Variants in USH2A observed in about 807,000 individuals in gnomAD.
USH2A encodes the protein usherin.
Under a neutral mutation model 538.9 loss-of-function variants are expected in USH2A, and 443 were observed. The observed-to-expected ratio is 0.82, with a 90% CI of 0.76 to 0.89. The LOEUF (loss-of-function observed/expected upper bound fraction) is 0.89. Ranked by LOEUF, USH2A falls within the 40% of genes least tolerant of loss-of-function variation. USH2A has a pLI of 0.00. For missense variants in USH2A, 6,633 were observed against 6,324.8 expected (o/e 1.05, Z -1.65); for synonymous variants, 2,413 against 2,273.5 (o/e 1.06, Z -1.75).
At chr1:216,299,120 G>T (rs2037164347) in intron 9 of USH2A, among the ~76,000 whole-genome samples, 1 of 152,080 alleles carries the variant, frequency 6.6e-6, no homozygotes, top group African/African-American at 2.4e-5. Flanking sequence ...AGGTTTACAG[G>T]CGTGAGCCAC....
Position 215,817,152 on chromosome 1 carries a change from T to C in USH2A, c.9415A>G (p.Ile3139Val), listed in dbSNP as rs750899958. The C allele has an allele frequency of 4.3e-6, 7 of 1,612,728 alleles. No individual in the cohort carries two copies. In the Admixed American group the frequency reaches 6.7e-5, roughly 15 times the overall value. ...CATAGGAGATCATATCCAAGAATGATGCCATTTGGCTTCCGTGGAGACACC... is the reference window on the plus strand; with the variant it reads ...CATAGGAGATCATATCCAAGAATGACGCCATTTGGCTTCCGTGGAGACACC... Reference protein sequence around the residue: ...DWVSPRKPNGIILGYDLLWKT... With the variant: ...DWVSPRKPNGVILGYDLLWKT... Residue 3139 changes from isoleucine to valine, a missense_variant, in exon 48 of 72, where the codon ATC becomes GTC. By Grantham distance (29) the Ile-to-Val change is conservative. Transcript: ENST00000307340.
rs372774805 is a variant in USH2A at position 215,788,854 on chromosome 1, T to C, written c.10182+1205A>G. On this transcript the variant is annotated intron_variant, in intron 51 of 71. Transcript: ENST00000307340. ...TTTTATACATTAAGCTTTTAAAAAA[T>C]TTACCCTCCATACATCTATATACAA... Among the ~76,000 whole-genome samples the C allele has an allele frequency of 2.6e-5, 4 of 152,010 alleles. No individual in the cohort carries two copies. The South Asian group carries it at 6.2e-4, about 24-fold the overall frequency.
chr1:215,785,906 T>TTCTA (rs1158144020), intron 52 of USH2A, among the ~76,000 whole-genome samples: 1 of 150,154 alleles, frequency 6.7e-6, no homozygotes, highest in Non-Finnish European at 1.5e-5. Context: ...CTTAAATGGA[T>TTCTA]TCTATTGAAT....
At chr1:215,766,230 A>G (rs1661123246) in intron 56 of USH2A, among the ~76,000 whole-genome samples, 1 of 152,082 alleles carries the variant, frequency 6.6e-6, no homozygotes, top group Admixed American at 6.6e-5. Context: ...CTTCCTCTTC[A>G]GGCCAACCTT....
rs142126629 is a variant in USH2A at position 216,291,774 on chromosome 1, T to C, written c.1840+401A>G. Among the ~76,000 whole-genome samples the C allele has an allele frequency of 1.2e-4, 19 of 152,302 alleles. No homozygotes were observed. The East Asian group carries it at 3.7e-3, about 29-fold the overall frequency. On this transcript the variant is annotated intron_variant, in intron 10 of 71. Transcript: ENST00000307340. ...AGTGTCCATGCCAAATCTGAATGAA[T>C]GCCATCTCCACATGAGAATCCAGAC...
In USH2A at chr1:216,399,246, C is replaced by A. The variant is rs76258690; in HGVS notation, c.651+19268G>T. 3.0e-3 allele frequency among the ~76,000 whole-genome samples: 464 copies of A among 152,240 alleles called. 8 individuals are homozygous for A. The highest frequency in any genetic ancestry group is 0.011 in the African/African-American group (438 of 41,548). On this transcript the variant is annotated intron_variant, in intron 3 of 71. Coordinates refer to ENST00000307340, the MANE Select transcript of USH2A (RefSeq NM_206933.4). ...TCATCAGCACTTTACTTTACTCCAA[C>A]CTCTGGTGTCAGTGGGACCAAGGAG...
Position 216,063,113 on chromosome 1 carries a change from G to T in USH2A, c.6049+6988C>A, listed in dbSNP as rs902569603. 1.7e-4 allele frequency among the ~76,000 whole-genome samples: 26 copies of T among 152,250 alleles called. No homozygotes were observed. The East Asian group carries it at 1.9e-3, about 11-fold the overall frequency. Reference sequence around the variant, plus strand: ...AATGCTAAATAAGGGTTATTTTCAAGATCAGTAGCAAAACTGCTCAATAGC... The same window carrying T: ...AATGCTAAATAAGGGTTATTTTCAATATCAGTAGCAAAACTGCTCAATAGC... On this transcript the variant is annotated intron_variant, in intron 30 of 71. Transcript: ENST00000307340.
intron 11 of USH2A, among the ~76,000 whole-genome samples, chr1:216,254,680 G>C (rs1056277032): frequency 6.6e-6 from 1 of 152,114 alleles, no homozygotes; most frequent in Non-Finnish European, 1.5e-5. Flanking sequence ...GCTAATAATT[G>C]CTCCTACTGT....
Position 215,777,161 on chromosome 1 carries a change from C to T in USH2A, c.10939+2682G>A, listed in dbSNP as rs1317983339. 2.0e-5 allele frequency among the ~76,000 whole-genome samples: 3 copies of T among 151,876 alleles called. 1 individual carries two copies. Among genetic ancestry groups the T allele is most frequent in the South Asian group, 4.2e-4 (2 of 4,814 alleles). ...AAAAATTAAAATTATATTAAAAAAC[C>T]TTAAAATATTTATGCTAATAATAGG... On this transcript the variant is annotated intron_variant, in intron 55 of 71. Transcript: ENST00000307340.
At chr1:215,766,244 A>C (rs191153624) in intron 56 of USH2A, among the ~76,000 whole-genome samples, 8 of 151,808 alleles carry the variant, frequency 5.3e-5, no homozygotes, top group Non-Finnish European at 8.8e-5. Flanking sequence ...CAACCTTAGC[A>C]CTCTATTCAT....
intron 11 of USH2A, among the ~76,000 whole-genome samples, chr1:216,281,921 C>A (rs1174800051): frequency 9.1e-5 from 11 of 120,432 alleles, no homozygotes; most frequent in Non-Finnish European, 1.8e-4. Flanking sequence ...GGGAAGTGGG[C>A]TTGCACAGTA....
rs114353757 is a variant in USH2A at position 216,175,893 on chromosome 1, C to T, written c.4397-411G>A. The stretch of plus-strand genomic sequence containing the variant: ...GATGGCTCATGGCTGCCCCCTTCTG[C>T]GTAGAACTTCCCTTGGCTGAGTAAG... On this transcript the variant is annotated intron_variant, in intron 20 of 71. Transcript: ENST00000307340. Among the ~76,000 whole-genome samples the T allele has an allele frequency of 3.9e-3, 600 of 152,214 alleles. 1 individual carries two copies. Among genetic ancestry groups the T allele is most frequent in the African/African-American group, 0.014 (576 of 41,552 alleles).
At chr1:215,993,968 C>T (rs922044813) in intron 34 of USH2A, among the ~76,000 whole-genome samples, 5 of 152,124 alleles carry the variant, frequency 3.3e-5, no homozygotes, top group African/African-American at 4.8e-5. Context: ...TGGACAAGCA[C>T]TTCTCCAGGA....
chr1:215,721,023 T>C (rs1391396941), intron 61 of USH2A, among the ~76,000 whole-genome samples: 1 of 152,196 alleles, frequency 6.6e-6, no homozygotes, highest in Admixed American at 6.5e-5. Context: ...CTTTCCCCAC[T>C]GCAGATCCTT....
At chr1:216,159,972 TA>T (rs1324446556) in intron 21 of USH2A, among the ~76,000 whole-genome samples, 1 of 152,096 alleles carries the variant, frequency 6.6e-6, no homozygotes, top group African/African-American at 2.4e-5. Flanking sequence ...AATACATTAT[TA>T]TTTTTTTTAA....
At chr1:216,135,549 T>C (rs2033469367) in intron 21 of USH2A, among the ~76,000 whole-genome samples, 1 of 152,114 alleles carries the variant, frequency 6.6e-6, no homozygotes, top group South Asian at 2.1e-4. Flanking sequence ...AAAAATGTCA[T>C]AGATGTTACA....
intron 4 of USH2A, among the ~76,000 whole-genome samples, chr1:216,348,143 C>G (rs2038214178): frequency 6.6e-6 from 1 of 152,058 alleles, no homozygotes. Context: ...TTTGATTCTA[C>G]CTAATTTCTT....
chr1:215,839,352 A>C (rs1406775900), intron 46 of USH2A, among the ~76,000 whole-genome samples: 1 of 152,228 alleles, frequency 6.6e-6, no homozygotes, highest in Non-Finnish European at 1.5e-5. Context: ...TGTGCCAAAT[A>C]TTATAATGGA....
chr1:216,112,713 A>C lies in USH2A; in HGVS notation c.4628-15500T>G, dbSNP rs557373427. 5.7e-4 allele frequency among the ~76,000 whole-genome samples: 87 copies of C among 152,164 alleles called. 2 individuals are homozygous for C. The highest frequency in any genetic ancestry group is 1.9e-3 in the African/African-American group (80 of 41,542). On this transcript the variant is annotated intron_variant, in intron 21 of 71. Coordinates refer to ENST00000307340, the MANE Select transcript of USH2A (RefSeq NM_206933.4). Reference sequence around the variant, plus strand: ...TTATAAGTGAGAATGTGCAGTATTTAGATTTCTGTTCCTGCATTAGTTTGC... The same window carrying C: ...TTATAAGTGAGAATGTGCAGTATTTCGATTTCTGTTCCTGCATTAGTTTGC...
Sources: allele counts gnomAD v4.1 joint callset (sites outside exome capture counted in the v4.1 genomes callset), GRCh38; gene constraint gnomAD v4.1.1; transcripts MANE v1.5; gene names NCBI Gene and HGNC (gene_info 2026-07-23, HGNC 2026-07-21).